Variants in MAEA observed in about 807,000 individuals in gnomAD.
The protein encoded by MAEA is E3 ubiquitin-protein transferase MAEA.
In MAEA, 22 loss-of-function variants were observed where a neutral mutation model predicts 46.2. The ratio of observed to expected loss-of-function variants is 0.48; its 90% confidence interval spans 0.34 to 0.68. The LOEUF (loss-of-function observed/expected upper bound fraction) is 0.68, where lower values mean the gene tolerates loss of function less well. Among genes scored for constraint, MAEA ranks in the 30% least tolerant of loss-of-function variants. MAEA has a pLI of 0.01. For missense variants in MAEA, 393 were observed against 558.1 expected (o/e 0.70, Z 2.98); for synonymous variants, 246 against 222.6 (o/e 1.11, Z -0.94).
chr4:1,309,374 A>C lies in MAEA; in HGVS notation c.70-2605A>C. 2.5e-6 allele frequency: 3 copies of C among 1,216,966 alleles called. 1 individual carries two copies. Among genetic ancestry groups the C allele is most frequent in the South Asian group, 6.8e-5 (2 of 29,314 alleles). The allele number at this position is 1,216,966 out of a possible 1,614,324, so 75.4% of individuals were successfully genotyped here. On this transcript the variant is annotated intron_variant, in intron 1 of 8. Transcript: ENST00000303400. ...CTAACCAGCCAGCCCAGGCCAGTGG[A>C]GGGGAGCTTTTAGGGCCCGGAGTCA...
intron 3 of MAEA, among the ~76,000 whole-genome samples, chr4:1,317,501 C>T (rs1308757516): frequency 6.6e-6 from 1 of 151,860 alleles, no homozygotes; most frequent in Non-Finnish European, 1.5e-5. Context: ...GGAGCGGCAC[C>T]CTCCCACCCA....
chr4:1,310,827 G>A (rs1192857256), intron 1 of MAEA, among the ~76,000 whole-genome samples: 7 of 152,160 alleles, frequency 4.6e-5, no homozygotes, highest in Non-Finnish European at 8.8e-5. Flanking sequence ...CCCTGCTTTC[G>A]GGGGGAAAGT....
Position 1,294,708 on chromosome 4 carries a change from G to A in MAEA, c.69+4726G>A, listed in dbSNP as rs370510792. Among the ~76,000 whole-genome samples, 85 of 151,858 alleles carry A rather than the reference G, an allele frequency of 5.6e-4. 1 individual carries two copies. In the South Asian group the frequency reaches 0.015, roughly 28 times the overall value. ...GGCCCCTGTCTACGCTCCGGTGGGA[G>A]GGAGGCATCAGCACAAGCACACACA... On this transcript the variant is annotated intron_variant, in intron 1 of 8. Coordinates refer to ENST00000303400, the MANE Select transcript of MAEA (RefSeq NM_001017405.3).
intron 1 of MAEA, chr4:1,297,982 T>C (rs1734928689): frequency 2.2e-6 from 1 of 456,112 alleles, no homozygotes; most frequent in Admixed American, 2.3e-5. Context: ...AACCCCGCTG[T>C]GCAAGGCCCC....
intron 4 of MAEA, among the ~76,000 whole-genome samples, chr4:1,324,413 G>C (rs1738540775): frequency 7.2e-6 from 1 of 139,476 alleles, no homozygotes; most frequent in Non-Finnish European, 1.5e-5. Context: ...GAGTGTGTCT[G>C]GTGTTGGATG....
chr4:1,326,251 C>T (rs1439427033), intron 4 of MAEA, among the ~76,000 whole-genome samples: 1 of 152,226 alleles, frequency 6.6e-6, no homozygotes, highest in African/African-American at 2.4e-5. Context: ...GATTCATCTG[C>T]CACGTGGAGT....
In MAEA at chr4:1,321,542, C is replaced by T. The variant is rs147669348; in HGVS notation, c.457-839C>T. 1.9e-3 allele frequency among the ~76,000 whole-genome samples: 294 copies of T among 152,336 alleles called. 2 individuals are homozygous for T. Among genetic ancestry groups the T allele is most frequent in the African/African-American group, 6.5e-3 (272 of 41,576 alleles). ...AGAAAAGAGTAATCATCAAAGAAAA[C>T]AGCGCATCTGTGAGGCCGGTGGTCC... On this transcript the variant is annotated intron_variant, in intron 3 of 8. Coordinates refer to ENST00000303400, the MANE Select transcript of MAEA (RefSeq NM_001017405.3).
At chr4:1,333,960 C>T (rs1224565521) in intron 6 of MAEA, among the ~76,000 whole-genome samples, 1 of 95,546 alleles carries the variant, frequency 1.0e-5, no homozygotes, top group Non-Finnish European at 2.1e-5. Context: ...ACCCCTGCAC[C>T]CACCCCCATG....
intron 5 of MAEA, chr4:1,332,437 GGGTGCAGC>G: frequency 4.5e-6 from 1 of 224,032 alleles, no homozygotes; most frequent in Non-Finnish European, 9.0e-6. Flanking sequence ...AATGCAGGCC[GGGTGCAGC>G]GGCTCATGCC....
intron 5 of MAEA, 110 bp downstream of exon 5, chr4:1,327,813 C>G (rs1041399094): frequency 1.2e-6 from 1 of 830,836 alleles, no homozygotes; most frequent in Non-Finnish European, 1.9e-6. Context: ...CTGGGTCGTC[C>G]CCTGGGTCTT....
intron 1 of MAEA, among the ~76,000 whole-genome samples, chr4:1,290,448 C>T (rs73069965): frequency 0.15 from 23,427 of 152,134 alleles, 3,471 homozygotes; most frequent in East Asian, 0.42. Flanking sequence ...TGATGGCACC[C>T]AGCGACCTTT....
chr4:1,312,990 G>C (rs1736703702), intron 2 of MAEA, among the ~76,000 whole-genome samples: 1 of 152,266 alleles, frequency 6.6e-6, no homozygotes, highest in South Asian at 2.1e-4. Flanking sequence ...GGCCAGGCCA[G>C]ATGGAGGTGA....
chr4:1,335,231 C>G, intron 6 of MAEA: 1 of 985,492 alleles, frequency 1.0e-6, no homozygotes, highest in Non-Finnish European at 1.2e-6. Context: ...CATGATTTCT[C>G]TGAAGTAAGA....
chr4:1,311,916 G>A lies in MAEA; in HGVS notation c.70-63G>A, dbSNP rs1430257481. ...CATGAGGAGACCTGGTGTGTCCTGG[G>A]TGTGGGGCTGGTGGGGCTCACACCA... On this transcript the variant is annotated intron_variant, in intron 1 of 8. Coordinates refer to ENST00000303400, the MANE Select transcript of MAEA (RefSeq NM_001017405.3). This position sits in a 1 kb window ranked among gnomAD's most constrained non-coding sequence, Gnocchi z 4.4. 2.0e-6 allele frequency: 3 copies of A among 1,477,762 alleles called. No individual in the cohort carries two copies. Among genetic ancestry groups the A allele is most frequent in the East Asian group, 2.3e-5 (1 of 43,842 alleles). The allele number at this position is 1,477,762 out of a possible 1,614,324, so 91.5% of individuals were successfully genotyped here. A position where few individuals can be genotyped will look rare whatever the true frequency, so the allele number is the denominator to read the frequency against.
At chr4:1,297,040 C>G (rs1325566818) in intron 1 of MAEA, among the ~76,000 whole-genome samples, 3 of 152,188 alleles carry the variant, frequency 2.0e-5, no homozygotes, top group African/African-American at 7.2e-5. Context: ...CGTGTAGTCA[C>G]CTCCCGGAGC....
chr4:1,337,149 G>A (rs369977597), intron 7 of MAEA, 155 bp downstream of exon 7: 162 of 906,966 alleles, frequency 1.8e-4, no homozygotes, highest in Non-Finnish European at 2.5e-4. Context: ...CTGGATGGTC[G>A]GGGTGGGGCC....
intron 6 of MAEA, among the ~76,000 whole-genome samples, chr4:1,336,406 C>A (rs1369411937): frequency 6.7e-6 from 1 of 150,164 alleles, no homozygotes; most frequent in Admixed American, 6.6e-5. Flanking sequence ...CACCCCACAG[C>A]ATGTTGAAAT....
At position 1,297,481 on chromosome 4, in the gene MAEA, A is replaced by G. The variant is rs1304879308; in HGVS notation, c.69+7499A>G. On this transcript the variant is annotated intron_variant, in intron 1 of 8. Coordinates refer to ENST00000303400, the MANE Select transcript of MAEA (RefSeq NM_001017405.3). ...TGCGTATGTGTGTGTGTATACATAC[A>G]TATAGAGAGAGAGCACGCGCTTGAG... 4.3e-5 allele frequency among the ~76,000 whole-genome samples: 5 copies of G among 116,414 alleles called. 1 individual carries two copies. In the East Asian group the frequency reaches 1.0e-3, roughly 24 times the overall value. The allele number at this position is 116,414 out of a possible 152,430, so 76.4% of individuals were successfully genotyped here.
At chr4:1,319,190 A>G (rs887805096) in intron 3 of MAEA, among the ~76,000 whole-genome samples, 5 of 151,988 alleles carry the variant, frequency 3.3e-5, no homozygotes, top group African/African-American at 9.7e-5. Context: ...CTTCTCTACA[A>G]ATTTTTTTTC....
Sources: gnomAD v4.1 joint callset for allele counts (sites outside exome capture counted in the v4.1 genomes callset) on GRCh38, gnomAD v4.1.1 for gene constraint, Gnocchi (gnomAD v3.1) non-coding constraint, MANE v1.5 for transcripts, NCBI Gene and HGNC (gene_info 2026-07-23, HGNC 2026-07-21) for gene names.